NRCAM: variants seen among roughly 807,000 people sequenced by gnomAD.
NRCAM encodes the protein NgCAM-related cell adhesion molecule.
A neutral mutation model predicts 156.5 loss-of-function variants in NRCAM; 83 were observed. The observed-to-expected ratio is 0.53, with a 90% confidence interval of 0.44 to 0.64. The LOEUF (loss-of-function observed/expected upper bound fraction) is 0.64, where lower values mean the gene tolerates loss of function less well. Ranked by LOEUF, NRCAM falls within the 30% of genes least tolerant of loss-of-function variation. NRCAM has a pLI of 0.00. For synonymous variants in NRCAM, 538 were observed against 563.9 expected (o/e 0.95, Z 0.65); for missense variants, 1,417 against 1,597.3 (o/e 0.89, Z 1.92).
intron 3 of NRCAM, among the ~76,000 whole-genome samples, chr7:108,242,188 T>C (rs965905561): frequency 2.0e-5 from 3 of 146,858 alleles, no homozygotes; most frequent in Non-Finnish European, 4.4e-5. Flanking sequence ...GGTGGGAAAA[T>C]TGCTTAGCTG....
At chr7:108,240,243 G>A in intron 3 of NRCAM, 73 bp from the exon 4 acceptor site, 1 of 510,900 alleles carries the variant, frequency 2.0e-6, no homozygotes, top group Non-Finnish European at 3.5e-6. Context: ...GAAGTCTGCA[G>A]CACAGAGAAC....
chr7:108,340,403 G>A (rs900534093), intron 2 of NRCAM, among the ~76,000 whole-genome samples: 2 of 152,176 alleles, frequency 1.3e-5, no homozygotes, highest in African/African-American at 4.8e-5. Flanking sequence ...CAAGGGTTAG[G>A]ACAATCTGAT....
intron 2 of NRCAM, among the ~76,000 whole-genome samples, chr7:108,356,527 C>T (rs1395631951): frequency 6.6e-6 from 1 of 152,084 alleles, no homozygotes; most frequent in African/African-American, 2.4e-5. Flanking sequence ...ATGTTCATGG[C>T]TGTGGCCTAA....
intron 3 of NRCAM, among the ~76,000 whole-genome samples, chr7:108,293,170 A>G (rs2098357702): frequency 6.6e-6 from 1 of 152,156 alleles, no homozygotes; most frequent in South Asian, 2.1e-4. Flanking sequence ...ATTAATTAAC[A>G]GCCTTACTGC....
intron 3 of NRCAM, among the ~76,000 whole-genome samples, chr7:108,300,213 C>A (rs1592341523): frequency 9.3e-6 from 1 of 107,898 alleles, no homozygotes; most frequent in Admixed American, 1.3e-4. Flanking sequence ...AGAAGAGAGA[C>A]AAAGCCCTGA....
At chr7:108,158,774 T>G (rs1332954484) in intron 32 of NRCAM, among the ~76,000 whole-genome samples, 1 of 152,200 alleles carries the variant, frequency 6.6e-6, no homozygotes. Flanking sequence ...TTCTGTTTAA[T>G]TTAAACAAAT....
chr7:108,156,295 T>C (rs2045444602), intron 32 of NRCAM: 1 of 985,158 alleles, frequency 1.0e-6, no homozygotes, highest in African/African-American at 1.7e-5. Context: ...ATGTAGTAAG[T>C]TATGAGTTCA....
intron 1 of NRCAM, among the ~76,000 whole-genome samples, chr7:108,431,338 C>A (rs1824850907): frequency 2.0e-5 from 3 of 152,216 alleles, no homozygotes; most frequent in Admixed American, 2.0e-4. Context: ...ACCCTCCCTG[C>A]CATTACATAC....
chr7:108,374,156 C>A (rs1476358347), intron 2 of NRCAM, among the ~76,000 whole-genome samples: 4 of 152,144 alleles, frequency 2.6e-5, no homozygotes, highest in African/African-American at 4.8e-5. Context: ...CTGAAAAGTA[C>A]ATGAGAGTAA....
intron 2 of NRCAM, among the ~76,000 whole-genome samples, chr7:108,392,663 A>T (rs1298488154): frequency 6.6e-6 from 1 of 152,138 alleles, no homozygotes; most frequent in Non-Finnish European, 1.5e-5. Flanking sequence ...TAGAATTTTC[A>T]GCTTTTCTGC....
chr7:108,278,846 G>A (rs367886270), intron 3 of NRCAM, among the ~76,000 whole-genome samples: 8 of 152,206 alleles, frequency 5.3e-5, no homozygotes, highest in Admixed American at 3.3e-4. Flanking sequence ...CTTCTGTGTC[G>A]ATCTTGCTGG....
chr7:108,185,307 A>G (rs1426218312), intron 20 of NRCAM, among the ~76,000 whole-genome samples: 3 of 152,228 alleles, frequency 2.0e-5, no homozygotes, highest in Admixed American at 6.5e-5. Context: ...TCAAACACAC[A>G]TGAGAAATAA....
In NRCAM at chr7:108,167,194, C is replaced by G. The variant is rs988057714; in HGVS notation, c.3314-121G>C. 16 of 668,132 alleles carry G rather than the reference C, an allele frequency of 2.4e-5. No homozygotes were observed. In the African/African-American group the frequency reaches 2.9e-4, roughly 12 times the overall value. The allele number at this position is 668,132 out of a possible 1,614,324, so 41.4% of individuals were successfully genotyped here. ...ACAAGATGTAGGATGCTTAGGTTTA[C>G]CATTTTAGATTATTATAAATGTAGT... On this transcript the variant is annotated intron_variant, in intron 29 of 32. Coordinates refer to ENST00000379028, the MANE Select transcript of NRCAM (RefSeq NM_001037132.4).
intron 1 of NRCAM, among the ~76,000 whole-genome samples, chr7:108,455,191 T>A (rs1403706892): frequency 2.6e-5 from 4 of 152,108 alleles, no homozygotes; most frequent in African/African-American, 9.7e-5. Flanking sequence ...TTGCTCACCC[T>A]ACTGCGACAC....
intron 2 of NRCAM, among the ~76,000 whole-genome samples, chr7:108,350,930 G>A (rs2099407917): frequency 6.6e-6 from 1 of 152,122 alleles, no homozygotes; most frequent in African/African-American, 2.4e-5. Context: ...ACACAAGTTT[G>A]TCTGTTTCAT....
In NRCAM at chr7:108,295,255, C is replaced by T. The variant is rs540350767; in HGVS notation, c.-107+17410G>A. Among the ~76,000 whole-genome samples the T allele has an allele frequency of 2.0e-5, 3 of 152,126 alleles. No homozygotes were observed. The South Asian group carries it at 6.2e-4, about 31-fold the overall frequency. On this transcript the variant is annotated intron_variant, in intron 3 of 32. Transcript: ENST00000379028. ...TTTTCATATGTTAACTTTTTTACAC[C>T]TCTCTAAAATCAAATGTTCTATAGA...
chr7:108,418,148 T>C (rs906343791), intron 1 of NRCAM, among the ~76,000 whole-genome samples: 23 of 152,084 alleles, frequency 1.5e-4, no homozygotes, highest in African/African-American at 4.8e-4. Flanking sequence ...ACTCAATTCC[T>C]TGAGTCATGG....
chr7:108,318,560 A>G (rs2098960490), intron 2 of NRCAM, among the ~76,000 whole-genome samples: 1 of 152,234 alleles, frequency 6.6e-6, no homozygotes, highest in Non-Finnish European at 1.5e-5. Flanking sequence ...ACAGAAGAGC[A>G]CTTGGAATCT....
intron 3 of NRCAM, among the ~76,000 whole-genome samples, chr7:108,289,108 C>T (rs2098202014): frequency 6.6e-6 from 1 of 151,978 alleles, no homozygotes; most frequent in Admixed American, 6.6e-5. Context: ...GCAAAATAAC[C>T]ATTGGAAGAG....
Sources: gnomAD v4.1 joint callset for allele counts (sites outside exome capture counted in the v4.1 genomes callset) on GRCh38, gnomAD v4.1.1 for gene constraint, MANE v1.5 for transcripts, NCBI Gene and HGNC (gene_info 2026-07-23, HGNC 2026-07-21) for gene names.